TTC7B: variants seen among roughly 807,000 people sequenced by gnomAD.
TTC7B encodes tetratricopeptide repeat protein 7B.
Under a neutral mutation model 106.8 loss-of-function variants are expected in TTC7B, and 28 were observed. The observed-to-expected ratio is 0.26, with a 90% CI of 0.19 to 0.36. The LOEUF (loss-of-function observed/expected upper bound fraction) is 0.36, where lower values mean the gene tolerates loss of function less well. Ranked by LOEUF, TTC7B falls within the 10% of genes least tolerant of loss-of-function variation. The pLI, the probability that TTC7B is intolerant of heterozygous loss-of-function variation, is 1.00. For synonymous variants in TTC7B, 405 were observed against 430.6 expected (o/e 0.94, Z 0.74); for missense variants, 862 against 1,076.4 (o/e 0.80, Z 2.79).
chr14:90,586,226 C>T (rs144420435), intron 18 of TTC7B, among the ~76,000 whole-genome samples: 131 of 152,270 alleles, frequency 8.6e-4, no homozygotes, highest in African/African-American at 3.0e-3. Context: ...CCCGCCTTGC[C>T]GACCACTCCC....
rs201376682 is a variant in TTC7B at position 90,578,148 on chromosome 14, G to A, written c.2268C>T (p.Ala756=). 8 of 1,613,264 alleles carry A rather than the reference G, an allele frequency of 5.0e-6. No homozygotes were observed. The East Asian group carries it at 1.6e-4, about 31-fold the overall frequency. ...TCACGTGGGTGGGGCTGATGGCTAAGGCCTCTTCATACCACCGCCGCGCCT... is the reference window on the plus strand; with the variant it reads ...TCACGTGGGTGGGGCTGATGGCTAAAGCCTCTTCATACCACCGCCGCGCCT... ...MDEARRWYEE[A]LAISPTHVKS... is the part of the protein sequence containing the mutation. The change falls in exon 19 of 20, where the codon GCC becomes GCT. Residue 756 remains alanine (A), a synonymous_variant. Coordinates refer to ENST00000328459, the MANE Select transcript of TTC7B (RefSeq NM_001010854.2). This position sits in a 1 kb window ranked among gnomAD's most constrained non-coding sequence, Gnocchi z 4.7.
chr14:90,703,367 C>A (rs1053097282), intron 5 of TTC7B, among the ~76,000 whole-genome samples: 3 of 152,120 alleles, frequency 2.0e-5, no homozygotes, highest in African/African-American at 4.8e-5. Flanking sequence ...CTCGACTGGG[C>A]TATGGAGAGG....
Position 90,791,746 on chromosome 14 carries a change from C to G in TTC7B, c.122-5418G>C, listed in dbSNP as rs1054130970. The stretch of plus-strand genomic sequence containing the variant: ...AAAATGGCACGCCCATCTGAGACCA[C>G]AAGCTGGAAGCCACCTATTGAGGAT... On this transcript the variant is annotated intron_variant, in intron 1 of 19. Coordinates refer to ENST00000328459, the MANE Select transcript of TTC7B (RefSeq NM_001010854.2). Among the ~76,000 whole-genome samples the G allele has an allele frequency of 3.9e-5, 6 of 152,238 alleles. No individual in the cohort carries two copies. The East Asian group carries it at 9.7e-4, about 24-fold the overall frequency.
At chr14:90,786,102 C>G in intron 2 of TTC7B, 72 bp downstream of exon 2, 1 of 1,452,164 alleles carries the variant, frequency 6.9e-7, no homozygotes, top group Non-Finnish European at 9.1e-7. Context: ...TCACCCGGCT[C>G]AACCCTGGGC....
rs1380292012 is a variant in TTC7B, at chr14:90,618,053, G to T, written c.1752-8C>A. On this transcript the variant is annotated splice_region_variant and splice_polypyrimidine_tract_variant and intron_variant, in intron 15 of 19. Coordinates refer to ENST00000328459, the MANE Select transcript of TTC7B (RefSeq NM_001010854.2). ...ACTTTGGAAAACAGTAGTCTGCAGTGGGGAGACAAAGGGAGAAAACACCAC... is the reference window on the plus strand; with the variant it reads ...ACTTTGGAAAACAGTAGTCTGCAGTTGGGAGACAAAGGGAGAAAACACCAC... The T allele has an allele frequency of 6.2e-7, 1 of 1,603,498 alleles. No homozygotes were observed. Among genetic ancestry groups the T allele is most frequent in the East Asian group, 2.2e-5 (1 of 44,714 alleles).
At position 90,537,265 on chromosome 14, in the gene TTC7B, C is replaced by G. The variant is rs1055515371; in HGVS notation, c.*4103G>C. 6.6e-6 allele frequency: 1 copy of G among 152,352 alleles called. No homozygotes were observed. Among genetic ancestry groups the G allele is most frequent in the African/African-American group, 2.4e-5 (1 of 41,560 alleles). 9.4% of individuals were successfully genotyped at this position (152,352 alleles called of 1,614,324 possible). A position where few individuals can be genotyped will look rare whatever the true frequency, so the allele number is the denominator to read the frequency against. On this transcript the variant is annotated 3_prime_UTR_variant, in exon 20 of 20. Transcript: ENST00000328459. ...ACTGCGGTGGCGTGATCACTCACTG[C>G]AGCCTCAACCACCTGGGCTCAAGCA...
At chr14:90,811,866 C>G (rs2030918143) in intron 1 of TTC7B, among the ~76,000 whole-genome samples, 1 of 152,224 alleles carries the variant, frequency 6.6e-6, no homozygotes, top group Admixed American at 6.5e-5. Flanking sequence ...CACACTGCCT[C>G]AGAAAAGGGA....
chr14:90,571,533 A>T (rs180717240), intron 19 of TTC7B, among the ~76,000 whole-genome samples: 4 of 152,260 alleles, frequency 2.6e-5, no homozygotes, highest in Non-Finnish European at 4.4e-5. Context: ...TATTCTCCTC[A>T]ATTTGGAAAA....
Position 90,807,583 on chromosome 14 carries a change from A to G in TTC7B, c.121+8592T>C, listed in dbSNP as rs142347085. Among the ~76,000 whole-genome samples the G allele has an allele frequency of 1.3e-5, 2 of 152,148 alleles. No homozygotes were observed. The highest frequency in any genetic ancestry group is 2.1e-4 in the South Asian group (1 of 4,818). Reference sequence around the variant, plus strand: ...CCCTGCCTGGTGACCTGCTCACTCTATTTCTTCTGATGCCCCTCTGATACC... The same window carrying G: ...CCCTGCCTGGTGACCTGCTCACTCTGTTTCTTCTGATGCCCCTCTGATACC... On this transcript the variant is annotated intron_variant, in intron 1 of 19. Coordinates refer to ENST00000328459, the MANE Select transcript of TTC7B (RefSeq NM_001010854.2). This position sits in a 1 kb window ranked among gnomAD's most constrained non-coding sequence, Gnocchi z 4.1.
chr14:90,668,118 CAA>C (rs3061073), intron 9 of TTC7B, among the ~76,000 whole-genome samples: 50,121 of 142,688 alleles, frequency 0.35, 8,648 homozygotes, highest in East Asian at 0.6. Flanking sequence ...TAAGACCAAC[CAA>C]AAAAAAAAAA....
intron 19 of TTC7B, among the ~76,000 whole-genome samples, chr14:90,543,950 G>A (rs1175074716): frequency 6.6e-6 from 1 of 152,214 alleles, no homozygotes; most frequent in East Asian, 1.9e-4. Flanking sequence ...TGGCATCCAA[G>A]AGCCTGAGAG....
chr14:90,786,149 G>A (rs376875084), intron 2 of TTC7B, 25 bp downstream of exon 2: 21 of 1,511,536 alleles, frequency 1.4e-5, no homozygotes, highest in South Asian at 2.7e-5. Flanking sequence ...AGGAAGTGTC[G>A]CCTCAGCCCA....
chr14:90,657,623 T>G lies in TTC7B; in HGVS notation c.1237-345A>C, dbSNP rs1417444977. ...TTTAAGGCACAAAATACTGAATTTC[T>G]GAATTCACTTAGCTCAAATAATCTT... On this transcript the variant is annotated intron_variant, in intron 10 of 19. Coordinates refer to ENST00000328459, the MANE Select transcript of TTC7B (RefSeq NM_001010854.2). The surrounding 1 kb of genome is among the most constrained non-coding windows in gnomAD (Gnocchi z 4.2). Among the ~76,000 whole-genome samples, 1 of 152,256 alleles carries G rather than the reference T, an allele frequency of 6.6e-6. No homozygotes were observed. The highest frequency in any genetic ancestry group is 1.5e-5 in the Non-Finnish European group (1 of 68,040).
At chr14:90,803,087 G>A (rs1049319588) in intron 1 of TTC7B, among the ~76,000 whole-genome samples, 6 of 151,620 alleles carry the variant, frequency 4.0e-5, no homozygotes, top group Admixed American at 1.3e-4. Flanking sequence ...AGGTTGCAGT[G>A]AGCTGAGATC....
chr14:90,637,596 G>A (rs1172638056), intron 15 of TTC7B, among the ~76,000 whole-genome samples: 1 of 152,146 alleles, frequency 6.6e-6, no homozygotes, highest in Non-Finnish European at 1.5e-5. Context: ...TTTTGCAAAT[G>A]TACACAAACG....
Position 90,647,067 on chromosome 14 carries a change from A to C in TTC7B, c.1518-44T>G, listed in dbSNP as rs1402709303. On this transcript the variant is annotated intron_variant, in intron 13 of 19. Transcript: ENST00000328459. ...CTATTAGTACATGGGAGAGGAGGCC[A>C]TTTTTACTTTCCCTATCAAGCAAGT... The C allele has an allele frequency of 3.9e-6, 6 of 1,544,650 alleles. No individual in the cohort carries two copies. In the East Asian group the frequency reaches 1.3e-4, roughly 35 times the overall value.
intron 15 of TTC7B, among the ~76,000 whole-genome samples, chr14:90,618,660 C>T (rs1448126548): frequency 6.6e-6 from 1 of 152,228 alleles, no homozygotes; most frequent in East Asian, 1.9e-4. Flanking sequence ...CCATCCAGAC[C>T]TTCTGGGCAC....
chr14:90,693,788 A>G (rs183907461), intron 6 of TTC7B, among the ~76,000 whole-genome samples: 3 of 152,314 alleles, frequency 2.0e-5, no homozygotes. Context: ...CTGCTTTGGA[A>G]AACAGTCTGG....
intron 5 of TTC7B, among the ~76,000 whole-genome samples, chr14:90,721,942 T>C (rs1270758491): frequency 6.6e-6 from 1 of 152,216 alleles, no homozygotes; most frequent in Admixed American, 6.5e-5. Context: ...TCAAGAGAAG[T>C]GATGGAAACA....
Sources: gnomAD v4.1 joint callset for allele counts (sites outside exome capture counted in the v4.1 genomes callset) on GRCh38, gnomAD v4.1.1 for gene constraint, Gnocchi (gnomAD v3.1) non-coding constraint, MANE v1.5 for transcripts, NCBI Gene and HGNC (gene_info 2026-07-23, HGNC 2026-07-21) for gene names.